The following C9orf153 variants were observed in gnomAD, a reference collection of about 807,000 sequenced individuals.
C9orf153 encodes the protein chromosome 9 open reading frame 153.
In C9orf153, 10 loss-of-function variants were observed where a neutral mutation model predicts 9.0. That is an observed-to-expected ratio of 1.11 (90% CI 0.69 to 1.89). The LOEUF is 1.89. C9orf153 is among the 40% of genes most tolerant of loss of function. C9orf153 has a pLI of 0.00. For missense variants in C9orf153, 108 were observed against 111.0 expected, an observed-to-expected ratio of 0.97 and a Z score of 0.12; for synonymous variants, 35 against 37.3, an observed-to-expected ratio of 0.94 and a Z score of 0.23.
chr9:86,239,887 G>C (rs1824693839), intron 1 of C9orf153, among the ~76,000 whole-genome samples: 1 of 152,122 alleles, frequency 6.6e-6, no homozygotes, highest in Admixed American at 6.5e-5. Context: ...ATGTATAAAA[G>C]GGAATCTGGG....
At chr9:86,230,782 A>G (rs185601114) in intron 1 of C9orf153, among the ~76,000 whole-genome samples, 118 of 152,368 alleles carry the variant, frequency 7.7e-4, no homozygotes, top group African/African-American at 2.6e-3. Context: ...CAGATACACT[A>G]TAAGGCATTT....
At chr9:86,248,858 C>T (rs1450227289) in intron 1 of C9orf153, among the ~76,000 whole-genome samples, 1 of 152,178 alleles carries the variant, frequency 6.6e-6, no homozygotes, top group Non-Finnish European at 1.5e-5. Context: ...CACCCCAGTT[C>T]CAGTGGCTCC....
intron 3 of C9orf153, among the ~76,000 whole-genome samples, chr9:86,224,723 T>C: frequency 6.7e-6 from 1 of 148,762 alleles, no homozygotes; most frequent in African/African-American, 2.5e-5. Flanking sequence ...GTCAGGAGAT[T>C]GAGACTATCC....
intron 1 of C9orf153, among the ~76,000 whole-genome samples, chr9:86,254,929 G>A: frequency 6.6e-6 from 1 of 152,072 alleles, no homozygotes. Flanking sequence ...GCTGGGTGTG[G>A]TGATGCATGC....
chr9:86,234,295 T>A (rs895580234), intron 1 of C9orf153, among the ~76,000 whole-genome samples: 16 of 152,178 alleles, frequency 1.1e-4, no homozygotes, highest in Non-Finnish European at 2.4e-4. Context: ...AAAAACATAG[T>A]AGAACTGAAG....
At chr9:86,237,636 GA>G (rs1824626686) in intron 1 of C9orf153, among the ~76,000 whole-genome samples, 1 of 152,158 alleles carries the variant, frequency 6.6e-6, no homozygotes. Context: ...AAGAGATACA[GA>G]AAGAGATATT....
chr9:86,221,856 G>T, intron 3 of C9orf153, 123 bp from the exon 4 acceptor site: 1 of 549,946 alleles, frequency 1.8e-6, no homozygotes. Context: ...CTGGCAGAAA[G>T]CCATTTCTAA....
chr9:86,230,779 A>G (rs1016505369), intron 1 of C9orf153, among the ~76,000 whole-genome samples: 25 of 152,236 alleles, frequency 1.6e-4, no homozygotes, highest in African/African-American at 5.8e-4. Flanking sequence ...TGTCAGATAC[A>G]CTATAAGGCA....
chr9:86,255,262 T>C (rs183511377), intron 1 of C9orf153, among the ~76,000 whole-genome samples: 149 of 152,264 alleles, frequency 9.8e-4, no homozygotes, highest in African/African-American at 3.5e-3. Context: ...AGTTTCAAAG[T>C]AGGACTGACA....
intron 1 of C9orf153, among the ~76,000 whole-genome samples, chr9:86,248,400 C>T (rs1480761601): frequency 6.6e-6 from 1 of 152,174 alleles, no homozygotes; most frequent in East Asian, 1.9e-4. Flanking sequence ...TCCCAAAGTG[C>T]TGGGATTACA....
intron 1 of C9orf153, among the ~76,000 whole-genome samples, chr9:86,237,415 A>C (rs1159145983): frequency 6.6e-6 from 1 of 151,886 alleles, no homozygotes; most frequent in Non-Finnish European, 1.5e-5. Context: ...CAAAAAGAAG[A>C]CCCAATTAAT....
At chr9:86,257,600 A>AGG (rs1263900610) in intron 1 of C9orf153, among the ~76,000 whole-genome samples, 1 of 152,122 alleles carries the variant, frequency 6.6e-6, no homozygotes, top group Non-Finnish European at 1.5e-5. Context: ...CTGTCTTCCC[A>AGG]GGGGAGCCGC....
intron 2 of C9orf153, 137 bp from the exon 3 acceptor site, chr9:86,228,167 C>T: frequency 1.5e-6 from 1 of 660,400 alleles, no homozygotes; most frequent in Non-Finnish European, 2.5e-6. Context: ...TGGAAGATAT[C>T]TTTGCCTAAC....
At chr9:86,229,950 G>A (rs1056358684) in intron 1 of C9orf153, among the ~76,000 whole-genome samples, 20 of 152,072 alleles carry the variant, frequency 1.3e-4, no homozygotes, top group Non-Finnish European at 2.4e-4. Flanking sequence ...ACAGGAGAAA[G>A]AAAGAGCAAA....
intron 1 of C9orf153, among the ~76,000 whole-genome samples, chr9:86,243,180 C>T (rs1171329313): frequency 2.0e-5 from 3 of 152,160 alleles, no homozygotes; most frequent in Non-Finnish European, 4.4e-5. Context: ...TATCGAGTTA[C>T]TATTGTACTC....
chr9:86,235,409 A>G (rs761874419), intron 1 of C9orf153, among the ~76,000 whole-genome samples: 1 of 152,186 alleles, frequency 6.6e-6, no homozygotes, highest in African/African-American at 2.4e-5. Flanking sequence ...ATGGCTGAGG[A>G]CAGAATGTCC....
intron 1 of C9orf153, among the ~76,000 whole-genome samples, chr9:86,231,598 G>GAT (rs148600227): frequency 0.028 from 4,007 of 140,692 alleles, 97 homozygotes; most frequent in African/African-American, 0.075. Flanking sequence ...CACAAACATG[G>GAT]ATATATATAT....
chr9:86,248,535 C>T (rs1160266159), intron 1 of C9orf153, among the ~76,000 whole-genome samples: 1 of 152,158 alleles, frequency 6.6e-6, no homozygotes, highest in African/African-American at 2.4e-5. Context: ...ACCATTTGTA[C>T]ACAAAGGGTC....
chr9:86,238,095 A>G lies in C9orf153; in HGVS notation c.-26-8466T>C, dbSNP rs552428858. Among the ~76,000 whole-genome samples, 37 of 152,232 alleles carry G rather than the reference A, an allele frequency of 2.4e-4. 1 individual carries two copies. Among genetic ancestry groups the G allele is most frequent in the Admixed American group, 7.2e-4 (11 of 15,290 alleles). ...GAGAGACTTTGACGAAAAACCAAAA[A>G]ACAAAACAAAACAAAAAACCCAAAA... On this transcript the variant is annotated intron_variant, in intron 1 of 3. Coordinates refer to ENST00000339137, the MANE Select transcript of C9orf153 (RefSeq NM_001276366.4).
Sources: allele counts gnomAD v4.1 joint callset (sites outside exome capture counted in the v4.1 genomes callset), GRCh38; gene constraint gnomAD v4.1.1; transcripts MANE v1.5; gene names NCBI Gene and HGNC (gene_info 2026-07-23, HGNC 2026-07-21).